SOX6: variants seen among roughly 807,000 people sequenced by gnomAD.
The protein encoded by SOX6 is transcription factor SOX-6.
Under a neutral mutation model 97.8 loss-of-function variants are expected in SOX6, and 11 were observed. The observed-to-expected ratio is 0.11, with a 90% confidence interval of 0.07 to 0.19. The LOEUF (loss-of-function observed/expected upper bound fraction) is 0.19. Ranked by LOEUF, SOX6 falls within the 10% of genes least tolerant of loss-of-function variation. The probability of loss-of-function intolerance (pLI) is 1.00; values close to 1 mark genes in which losing one functional copy is unlikely to be tolerated. For missense variants in SOX6, 810 were observed against 1,039.5 expected (o/e 0.78, Z 3.04); for synonymous variants, 360 against 371.4 (o/e 0.97, Z 0.35).
chr11:16,683,756 G>C (rs191320428), intron 3 of SOX6, among the ~76,000 whole-genome samples: 2,748 of 152,230 alleles, frequency 0.018, 74 homozygotes, highest in East Asian at 0.053. Flanking sequence ...AAACTAAAGA[G>C]CTTCTGCACA....
chr11:16,549,043 T>C (rs1387946636), intron 4 of SOX6, among the ~76,000 whole-genome samples: 3 of 152,108 alleles, frequency 2.0e-5, no homozygotes, highest in Admixed American at 6.6e-5. Flanking sequence ...TGAAAAGACA[T>C]TGCTCCAAAG....
intron 3 of SOX6, among the ~76,000 whole-genome samples, chr11:16,612,656 A>G (rs888935010): frequency 2.0e-5 from 3 of 152,078 alleles, no homozygotes; most frequent in Non-Finnish European, 4.4e-5. Flanking sequence ...TTGCTCAAAA[A>G]GCTCCCAAAG....
Position 16,097,821 on chromosome 11 carries a change from G to A in SOX6, c.899-133C>T, listed in dbSNP as rs991180214. ...GCCCAAACATCTGCAGAAACAAAAGGCTTAGTTGGGCACAGACTTGCAGTG... is the reference window on the plus strand; with the variant it reads ...GCCCAAACATCTGCAGAAACAAAAGACTTAGTTGGGCACAGACTTGCAGTG... On this transcript the variant is annotated intron_variant, in intron 7 of 15. Transcript: ENST00000683767. The A allele has an allele frequency of 8.3e-6, 7 of 839,872 alleles. No individual in the cohort carries two copies. In the African/African-American group the frequency reaches 1.2e-4, roughly 14 times the overall value. 52.0% of individuals were successfully genotyped at this position (839,872 alleles called of 1,614,324 possible). A position where few individuals can be genotyped will look rare whatever the true frequency, so the allele number is the denominator to read the frequency against.
chr11:16,250,416 A>G (rs1853474953), intron 3 of SOX6, among the ~76,000 whole-genome samples: 1 of 152,170 alleles, frequency 6.6e-6, no homozygotes, highest in Non-Finnish European at 1.5e-5. Flanking sequence ...TAAGCATGAC[A>G]TATTAAAGAA....
intron 14 of SOX6, among the ~76,000 whole-genome samples, chr11:15,987,786 A>T (rs990616121): frequency 1.3e-5 from 2 of 151,978 alleles, no homozygotes; most frequent in Non-Finnish European, 2.9e-5. Flanking sequence ...TCAAAATAAC[A>T]TCCCTATGCA....
chr11:16,127,843 T>C (rs1036187409), intron 6 of SOX6, among the ~76,000 whole-genome samples: 2 of 152,124 alleles, frequency 1.3e-5, no homozygotes, highest in Non-Finnish European at 2.9e-5. Context: ...CAGAAAGATG[T>C]CTAGACCCCA....
At chr11:16,361,891 C>G (rs972720924) in intron 1 of SOX6, among the ~76,000 whole-genome samples, 1 of 152,202 alleles carries the variant, frequency 6.6e-6, no homozygotes, top group African/African-American at 2.4e-5. Context: ...ATCATGAAAA[C>G]TAGACGTAAG....
At chr11:16,479,942 A>G (rs1390952301), upstream of SOX6, among the ~76,000 whole-genome samples, 1 of 152,162 alleles carries the variant, frequency 6.6e-6, no homozygotes. Flanking sequence ...AATAGCCAAA[A>G]TTAGGAATAA....
At chr11:16,035,687 C>T (rs2133891446) in intron 12 of SOX6, among the ~76,000 whole-genome samples, 1 of 152,184 alleles carries the variant, frequency 6.6e-6, no homozygotes, top group East Asian at 1.9e-4. Flanking sequence ...TATTTAGTGC[C>T]TACTATGTGC....
intron 1 of SOX6, among the ~76,000 whole-genome samples, chr11:16,414,800 A>G (rs1858893711): frequency 6.6e-6 from 1 of 152,164 alleles, no homozygotes; most frequent in Non-Finnish European, 1.5e-5. Context: ...AAGAAACTAC[A>G]TGAAATATAT....
At position 16,118,316 on chromosome 11, in the gene SOX6, A is replaced by G. The variant is rs550321976; in HGVS notation, c.778-6393T>C. 8.5e-5 allele frequency among the ~76,000 whole-genome samples: 13 copies of G among 152,364 alleles called. No individual in the cohort carries two copies. In the South Asian group the frequency reaches 2.7e-3, roughly 32 times the overall value. ...TTCCCTTTTGGAGAGGGTGGGGAACATATTCTTGATCAAATAGGCTACATG... is the reference window on the plus strand; with the variant it reads ...TTCCCTTTTGGAGAGGGTGGGGAACGTATTCTTGATCAAATAGGCTACATG... On this transcript the variant is annotated intron_variant, in intron 6 of 15. Coordinates refer to ENST00000683767, the MANE Select transcript of SOX6 (RefSeq NM_001367873.1).
At chr11:16,399,961 G>A (rs190830126) in intron 1 of SOX6, among the ~76,000 whole-genome samples, 65 of 151,370 alleles carry the variant, frequency 4.3e-4, no homozygotes, top group African/African-American at 1.4e-3. Context: ...AGTTGCCCAC[G>A]TGAAGAAAAA....
At chr11:16,618,262 A>G (rs1461746507) in intron 3 of SOX6, among the ~76,000 whole-genome samples, 4 of 151,924 alleles carry the variant, frequency 2.6e-5, no homozygotes, top group Admixed American at 1.3e-4. Flanking sequence ...GCACATTTCA[A>G]TATGGAATAT....
chr11:16,384,901 A>AAAT (rs1857933771), intron 1 of SOX6, among the ~76,000 whole-genome samples: 1 of 152,078 alleles, frequency 6.6e-6, no homozygotes, highest in Non-Finnish European at 1.5e-5. Context: ...TTAATAGAGA[A>AAAT]AATGCCAGAG....
chr11:15,995,216 G>C (rs1854188241), intron 13 of SOX6, among the ~76,000 whole-genome samples: 1 of 152,104 alleles, frequency 6.6e-6, no homozygotes, highest in South Asian at 2.1e-4. Context: ...ATTTGAATTG[G>C]AATCCTATCA....
intron 3 of SOX6, among the ~76,000 whole-genome samples, chr11:16,615,159 G>A (rs544696104): frequency 1.1e-3 from 160 of 152,072 alleles, no homozygotes; most frequent in Non-Finnish European, 1.8e-3. Context: ...GTTTCCCAGG[G>A]AATCCCAATT....
intron 1 of SOX6, among the ~76,000 whole-genome samples, chr11:16,474,730 T>C (rs1469973995): frequency 6.6e-6 from 1 of 152,190 alleles, no homozygotes; most frequent in Non-Finnish European, 1.5e-5. Context: ...ATTTTCAGAA[T>C]AGTAAATAAG....
At chr11:16,499,729 C>T (rs549372949) in intron 4 of SOX6, among the ~76,000 whole-genome samples, 16 of 152,176 alleles carry the variant, frequency 1.1e-4, no homozygotes, top group South Asian at 4.2e-4. Context: ...ATAAATTCCT[C>T]GACACATACA....
chr11:16,518,473 A>G (rs1369762130), intron 4 of SOX6, among the ~76,000 whole-genome samples: 1 of 152,202 alleles, frequency 6.6e-6, no homozygotes, highest in Admixed American at 6.5e-5. Flanking sequence ...AATAATTTAT[A>G]TAATACCTAT....
Sources: gnomAD v4.1 joint callset for allele counts (sites outside exome capture counted in the v4.1 genomes callset) on GRCh38, gnomAD v4.1.1 for gene constraint, MANE v1.5 for transcripts, NCBI Gene and HGNC (gene_info 2026-07-23, HGNC 2026-07-21) for gene names.